CUL4A: variants seen among roughly 807,000 people sequenced by gnomAD.
CUL4A encodes cullin-4A.
Under a neutral mutation model 95.5 loss-of-function variants are expected in CUL4A, and 16 were observed. The observed-to-expected ratio is 0.17, with a 90% CI of 0.11 to 0.25. The LOEUF (loss-of-function observed/expected upper bound fraction) is 0.25. Among genes scored for constraint, CUL4A ranks in the 10% least tolerant of loss-of-function variants. The probability of loss-of-function intolerance (pLI) is 1.00; values close to 1 mark genes in which losing one functional copy is unlikely to be tolerated. For missense variants in CUL4A, 610 were observed against 937.0 expected, an observed-to-expected ratio of 0.65 and a Z score of 4.56; for synonymous variants, 380 against 353.1, an observed-to-expected ratio of 1.08 and a Z score of -0.85.
intron 8 of CUL4A, among the ~76,000 whole-genome samples, chr13:113,235,756 G>A (rs1030202849): frequency 6.6e-6 from 1 of 152,082 alleles, no homozygotes; most frequent in Non-Finnish European, 1.5e-5. Context: ...AGATCACAAA[G>A]TCAGGAGATC....
chr13:113,259,650 A>G (rs935342398), intron 18 of CUL4A, among the ~76,000 whole-genome samples: 19 of 152,210 alleles, frequency 1.2e-4, no homozygotes, highest in Non-Finnish European at 2.8e-4. Flanking sequence ...TTATATTCAC[A>G]GATTTCCTAA....
At chr13:113,261,850 G>A (rs1200630486) in intron 19 of CUL4A, among the ~76,000 whole-genome samples, 1 of 152,054 alleles carries the variant, frequency 6.6e-6, no homozygotes, top group Non-Finnish European at 1.5e-5. Flanking sequence ...GCACGATCTC[G>A]GCTCACTGTA....
chr13:113,263,457 A>G (rs1363218762), intron 19 of CUL4A, 30 bp from the exon 20 acceptor site: 3 of 1,420,658 alleles, frequency 2.1e-6, no homozygotes, highest in Non-Finnish European at 2.0e-6. Context: ...ATGCCATTGT[A>G]ATTAGGGGGG....
chr13:113,225,881 C>T (rs1022776427), intron 3 of CUL4A, among the ~76,000 whole-genome samples: 2 of 152,188 alleles, frequency 1.3e-5, no homozygotes, highest in African/African-American at 4.8e-5. Context: ...TCCAGAGGAA[C>T]CTGTTAACCA....
upstream of CUL4A, chr13:113,208,387 C>A: frequency 6.9e-7 from 1 of 1,439,910 alleles, no homozygotes; most frequent in Non-Finnish European, 9.1e-7. Context: ...CACCGCCCGG[C>A]CCCCACGGCG....
At chr13:113,258,996 T>C (rs970838766) in intron 18 of CUL4A, among the ~76,000 whole-genome samples, 2 of 152,236 alleles carry the variant, frequency 1.3e-5, no homozygotes, top group East Asian at 3.8e-4. Flanking sequence ...TGATATCTTA[T>C]AAAGGGGACC....
At chr13:113,248,879 G>A (rs766939054) in intron 15 of CUL4A, among the ~76,000 whole-genome samples, 2 of 152,178 alleles carry the variant, frequency 1.3e-5, no homozygotes, top group African/African-American at 4.8e-5. Flanking sequence ...CTTAGTGCAT[G>A]TTCAGTACAG....
chr13:113,227,638 G>C (rs2041154122), intron 3 of CUL4A, among the ~76,000 whole-genome samples: 1 of 152,234 alleles, frequency 6.6e-6, no homozygotes, highest in African/African-American at 2.4e-5. Context: ...GGTTGCGGTG[G>C]CTCACGCCTG....
intron 5 of CUL4A, among the ~76,000 whole-genome samples, chr13:113,230,837 C>T (rs1393048133): frequency 1.3e-5 from 2 of 152,120 alleles, no homozygotes; most frequent in Non-Finnish European, 1.5e-5. Flanking sequence ...GTGGCACAAT[C>T]ATAACTCACT....
upstream of CUL4A, chr13:113,208,408 G>A (rs995367415): frequency 7.1e-5 from 105 of 1,480,062 alleles, no homozygotes; most frequent in Middle Eastern, 2.4e-4. Flanking sequence ...GCCCTGCAGG[G>A]GAGAACTCGG....
At chr13:113,244,296 T>C (rs2139236500) in intron 11 of CUL4A, 114 bp from the exon 12 acceptor site, 1 of 728,832 alleles carries the variant, frequency 1.4e-6, no homozygotes, top group Non-Finnish European at 2.3e-6. Flanking sequence ...TGTTTTTTTG[T>C]CATATAGTCA....
At chr13:113,229,547 G>GGGAAGACGCAGC in intron 5 of CUL4A, 28 bp downstream of exon 5, 1 of 1,578,800 alleles carries the variant, frequency 6.3e-7, no homozygotes, top group Non-Finnish European at 8.7e-7. Flanking sequence ...GCAGAGCTGC[G>GGGAAGACGCAGC]TCTTCCCTGC....
upstream of CUL4A, chr13:113,208,963 T>G: frequency 9.3e-7 from 1 of 1,080,048 alleles, no homozygotes; most frequent in Non-Finnish European, 1.1e-6. Context: ...ACCCTTCGTC[T>G]GCCCCTTGTG....
intron 10 of CUL4A, among the ~76,000 whole-genome samples, chr13:113,241,442 A>G (rs1033739191): frequency 5.3e-5 from 8 of 151,872 alleles, no homozygotes; most frequent in Middle Eastern, 3.2e-3. Context: ...GTAAGAGGTA[A>G]GTCCCTCCCA....
chr13:113,234,056 T>C (rs768733169), intron 7 of CUL4A, 70 bp downstream of exon 7: 7 of 890,258 alleles, frequency 7.9e-6, no homozygotes, highest in Non-Finnish European at 1.3e-5. Context: ...AGGACTTTCC[T>C]CATGTTTGCC....
chr13:113,228,097 C>T, intron 4 of CUL4A, 52 bp downstream of exon 4: 9 of 1,332,126 alleles, frequency 6.8e-6, no homozygotes, highest in South Asian at 4.7e-5. Flanking sequence ...TCTTCCCTCA[C>T]CCACATGATT....
intron 5 of CUL4A, among the ~76,000 whole-genome samples, chr13:113,232,157 GCCACCA>G: frequency 1.9e-5 from 1 of 51,466 alleles, no homozygotes; most frequent in African/African-American, 9.0e-5. Flanking sequence ...CATTACTGCT[GCCACCA>G]CTACCCGCCC....
intron 9 of CUL4A, among the ~76,000 whole-genome samples, chr13:113,237,873 C>T (rs1437154672): frequency 6.6e-6 from 1 of 152,170 alleles, no homozygotes; most frequent in African/African-American, 2.4e-5. Context: ...GATTGAGCAT[C>T]TCCTGTTACA....
chr13:113,208,737 C>T (rs919593534), upstream of CUL4A: 565 of 1,486,848 alleles, frequency 3.8e-4, no homozygotes, highest in Non-Finnish European at 4.6e-4. Context: ...CCCCCGGCCC[C>T]GCCGCGGGTG....
Sources: allele counts gnomAD v4.1 joint callset (sites outside exome capture counted in the v4.1 genomes callset), GRCh38; gene constraint gnomAD v4.1.1; transcripts MANE v1.5; gene names NCBI Gene and HGNC (gene_info 2026-07-23, HGNC 2026-07-21).